The following LHFPL3 variants were observed in gnomAD, a reference collection of about 807,000 sequenced individuals.
LHFPL3 encodes the protein LHFPL tetraspan subfamily member 3 protein.
A neutral mutation model predicts 19.3 loss-of-function variants in LHFPL3; 5 were observed. That is an observed-to-expected ratio of 0.26 (90% CI 0.14 to 0.54). LHFPL3 has a LOEUF of 0.54. Ranked by LOEUF, LHFPL3 falls within the 20% of genes least tolerant of loss-of-function variation. The pLI, the probability that LHFPL3 is intolerant of heterozygous loss-of-function variation, is 0.94. For missense variants in LHFPL3, 249 were observed against 307.4 expected (o/e 0.81, Z 1.42); for synonymous variants, 133 against 126.2 (o/e 1.05, Z -0.36).
chr7:104,389,469 C>A lies in LHFPL3; in HGVS notation c.445+60245C>A, dbSNP rs966077854. On this transcript the variant is annotated intron_variant, in intron 1 of 2. Coordinates refer to ENST00000424859, the MANE Select transcript of LHFPL3 (RefSeq NM_199000.3). Reference sequence around the variant, plus strand: ...AAATAACCTACAGACTCAATGCAACCCCTATCCAAACCTCCAGTGGTTCCT... The same window carrying A: ...AAATAACCTACAGACTCAATGCAACACCTATCCAAACCTCCAGTGGTTCCT... 5.3e-5 allele frequency among the ~76,000 whole-genome samples: 8 copies of A among 152,046 alleles called. No homozygotes were observed. In the South Asian group the frequency reaches 1.2e-3, roughly 24 times the overall value.
At chr7:104,787,975 C>T (rs961944951) in intron 2 of LHFPL3, among the ~76,000 whole-genome samples, 1 of 152,206 alleles carries the variant, frequency 6.6e-6, no homozygotes, top group Non-Finnish European at 1.5e-5. Context: ...TGGAGAGACA[C>T]AAACATTCAG....
intron 1 of LHFPL3, among the ~76,000 whole-genome samples, chr7:104,695,177 C>A (rs951979364): frequency 1.3e-5 from 2 of 152,060 alleles, no homozygotes; most frequent in African/African-American, 4.8e-5. Flanking sequence ...TGCAGTGGTG[C>A]AATCATAGTT....
intron 2 of LHFPL3, among the ~76,000 whole-genome samples, chr7:104,853,995 CACAGGGGAGGAAAA>C (rs1285925374): frequency 3.3e-5 from 5 of 152,158 alleles, no homozygotes; most frequent in African/African-American, 1.2e-4. Flanking sequence ...AGACAAGCAT[CACAGGGGAGGAAAA>C]ACAATTCTCC....
chr7:104,485,778 C>T (rs1243779067), intron 1 of LHFPL3, among the ~76,000 whole-genome samples: 1 of 152,124 alleles, frequency 6.6e-6, no homozygotes, highest in Non-Finnish European at 1.5e-5. Context: ...CAGCCTCCCA[C>T]CCCTCTGACA....
At chr7:104,782,580 C>G (rs1189964320) in intron 2 of LHFPL3, among the ~76,000 whole-genome samples, 2 of 152,232 alleles carry the variant, frequency 1.3e-5, no homozygotes, top group East Asian at 3.8e-4. Context: ...TGGTCTCCTG[C>G]TCCCATGTGT....
intron 1 of LHFPL3, among the ~76,000 whole-genome samples, chr7:104,518,899 T>A (rs1239144305): frequency 6.6e-6 from 1 of 152,158 alleles, no homozygotes; most frequent in Non-Finnish European, 1.5e-5. Context: ...ATTTACATAC[T>A]TCCTTTGTAA....
chr7:104,588,580 G>C (rs1790635506), intron 1 of LHFPL3, among the ~76,000 whole-genome samples: 1 of 152,144 alleles, frequency 6.6e-6, no homozygotes, highest in South Asian at 2.1e-4. Context: ...TTTTGGCTTA[G>C]GATTGACTTG....
chr7:104,801,224 C>G (rs1313638852), intron 2 of LHFPL3, among the ~76,000 whole-genome samples: 1 of 152,034 alleles, frequency 6.6e-6, no homozygotes, highest in Non-Finnish European at 1.5e-5. Context: ...ACAGGTGACC[C>G]CAAGGACCAA....
At chr7:104,518,838 G>A (rs139534924) in intron 1 of LHFPL3, among the ~76,000 whole-genome samples, 11 of 150,300 alleles carry the variant, frequency 7.3e-5, no homozygotes, top group African/African-American at 2.8e-4. Flanking sequence ...TAGATAGATA[G>A]ATAGATAGAA....
chr7:104,439,010 A>C (rs1199060189), intron 1 of LHFPL3, among the ~76,000 whole-genome samples: 1 of 152,174 alleles, frequency 6.6e-6, no homozygotes, highest in Non-Finnish European at 1.5e-5. Flanking sequence ...AATTTTTTGA[A>C]AAACACAAAT....
intron 1 of LHFPL3, among the ~76,000 whole-genome samples, chr7:104,466,960 C>T (rs1310359961): frequency 6.6e-6 from 1 of 152,226 alleles, no homozygotes; most frequent in East Asian, 1.9e-4. Flanking sequence ...AAGTGCTCAT[C>T]ACTGCTAGGA....
At chr7:104,873,572 G>A (rs1480184016) in intron 2 of LHFPL3, among the ~76,000 whole-genome samples, 4 of 152,128 alleles carry the variant, frequency 2.6e-5, no homozygotes, top group African/African-American at 7.2e-5. Context: ...AGGTTACAGC[G>A]AGCTACGATC....
At chr7:104,873,999 C>G (rs1048882477) in intron 2 of LHFPL3, among the ~76,000 whole-genome samples, 2 of 152,192 alleles carry the variant, frequency 1.3e-5, no homozygotes, top group Non-Finnish European at 2.9e-5. Context: ...CTAATGAAAA[C>G]TGGCCCATGG....
intron 1 of LHFPL3, among the ~76,000 whole-genome samples, chr7:104,422,650 C>G (rs1401869119): frequency 6.6e-6 from 1 of 152,188 alleles, no homozygotes; most frequent in African/African-American, 2.4e-5. Flanking sequence ...GCGCAAGTTA[C>G]TTTATCTCTC....
intron 1 of LHFPL3, among the ~76,000 whole-genome samples, chr7:104,430,371 TATATATATATAC>T (rs1791937776): frequency 1.6e-5 from 1 of 62,050 alleles, no homozygotes; most frequent in East Asian, 4.1e-4. Context: ...TTTCTGTGGG[TATATATATATAC>T]ATATATATAT....
At chr7:104,856,240 A>ATT (rs750683276) in intron 2 of LHFPL3, among the ~76,000 whole-genome samples, 4 of 68,904 alleles carry the variant, frequency 5.8e-5, no homozygotes, top group Non-Finnish European at 1.0e-4. Context: ...GTCCCAGGAA[A>ATT]TTTTTTTTTT....
intron 2 of LHFPL3, among the ~76,000 whole-genome samples, chr7:104,818,838 C>T (rs1408507300): frequency 6.6e-6 from 1 of 151,994 alleles, no homozygotes; most frequent in Non-Finnish European, 1.5e-5. Flanking sequence ...AAAAAGGAGC[C>T]CCAATACACC....
At chr7:104,828,285 G>A (rs774405137) in intron 2 of LHFPL3, among the ~76,000 whole-genome samples, 1 of 151,886 alleles carries the variant, frequency 6.6e-6, no homozygotes, top group South Asian at 2.1e-4. Context: ...TAGAGGCAGG[G>A]CTCCTGAGTC....
chr7:104,563,673 G>A (rs929858015), intron 1 of LHFPL3, among the ~76,000 whole-genome samples: 13 of 152,362 alleles, frequency 8.5e-5, no homozygotes, highest in African/African-American at 2.2e-4. Flanking sequence ...GCTGTAGACC[G>A]GAGCTGTTCC....
Sources: gnomAD v4.1 joint callset for allele counts (sites outside exome capture counted in the v4.1 genomes callset) on GRCh38, gnomAD v4.1.1 for gene constraint, MANE v1.5 for transcripts, NCBI Gene and HGNC (gene_info 2026-07-23, HGNC 2026-07-21) for gene names.